The following NT5DC1 variants were observed in gnomAD, a reference collection of about 807,000 sequenced individuals.
NT5DC1 encodes 5'-nucleotidase domain-containing protein 1.
Under a neutral mutation model 59.4 loss-of-function variants are expected in NT5DC1, and 42 were observed. The ratio of observed to expected loss-of-function variants is 0.71; its 90% CI spans 0.55 to 0.92. The LOEUF is 0.92. Among genes scored for constraint, NT5DC1 ranks in the 40% least tolerant of loss-of-function variants. The pLI is 0.00. For missense variants in NT5DC1, 501 were observed against 537.1 expected, an observed-to-expected ratio of 0.93 and a Z score of 0.66; for synonymous variants, 172 against 188.1, an observed-to-expected ratio of 0.91 and a Z score of 0.70.
intron 8 of NT5DC1, among the ~76,000 whole-genome samples, chr6:116,224,527 G>A (rs1582882070): frequency 6.6e-6 from 1 of 152,226 alleles, no homozygotes; most frequent in Non-Finnish European, 1.5e-5. Flanking sequence ...GGGAAGCTCT[G>A]TCCAAAAAGG....
intron 6 of NT5DC1, among the ~76,000 whole-genome samples, chr6:116,186,253 G>T (rs1372627021): frequency 1.3e-5 from 2 of 151,776 alleles, no homozygotes; most frequent in Non-Finnish European, 2.9e-5. Flanking sequence ...TAATCTGATA[G>T]GTTTTCCTTT....
chr6:116,219,961 CAA>C (rs1170500016), intron 6 of NT5DC1, among the ~76,000 whole-genome samples: 689 of 36,180 alleles, frequency 0.019, no homozygotes, highest in African/African-American at 0.084. Flanking sequence ...GACTCTGTCT[CAA>C]AAAAAAAAAA....
In NT5DC1 at chr6:116,245,717, T is replaced by G. The variant is rs1771834548; in HGVS notation, c.*1693T>G. 1.3e-5 allele frequency: 2 copies of G among 152,132 alleles called. No individual in the cohort carries two copies. Among genetic ancestry groups the G allele is most frequent in the African/African-American group, 4.8e-5 (2 of 41,432 alleles). 9.4% of individuals were successfully genotyped at this position (152,132 alleles called of 1,614,324 possible). On this transcript the variant is annotated 3_prime_UTR_variant, in exon 12 of 12. Coordinates refer to ENST00000319550, the MANE Select transcript of NT5DC1 (RefSeq NM_152729.3). ...CCATGTTTACTCTGTAAATGGCAAA[T>G]AATACATCTTTAAATGCTTATGAAC...
chr6:116,165,293 A>G (rs9488858), intron 6 of NT5DC1, among the ~76,000 whole-genome samples: 4,740 of 152,158 alleles, frequency 0.031, 235 homozygotes, highest in African/African-American at 0.1. Context: ...GACCTTGGAT[A>G]GTCTGATAAC....
intron 8 of NT5DC1, among the ~76,000 whole-genome samples, chr6:116,233,565 A>G (rs1442118293): frequency 2.6e-5 from 4 of 152,210 alleles, no homozygotes; most frequent in Non-Finnish European, 4.4e-5. Flanking sequence ...ATTCAGGTCC[A>G]GGAATCCAAA....
Position 116,224,221 on chromosome 6 carries a change from T to C in NT5DC1, c.802+1090T>C, listed in dbSNP as rs557880931. Among the ~76,000 whole-genome samples, 10 of 152,348 alleles carry C rather than the reference T, an allele frequency of 6.6e-5. No individual in the cohort carries two copies. In the East Asian group the frequency reaches 1.7e-3, roughly 26 times the overall value. ...ATGGATTTAATACATTTATTTAATA[T>C]GGTAATACAGTATTATTTACTTTGA... On this transcript the variant is annotated intron_variant, in intron 8 of 11. Coordinates refer to ENST00000319550, the MANE Select transcript of NT5DC1 (RefSeq NM_152729.3).
At position 116,141,170 on chromosome 6, in the gene NT5DC1, A is replaced by T. The variant is rs527508993; in HGVS notation, c.529+23225A>T. Among the ~76,000 whole-genome samples, 3 of 152,182 alleles carry T rather than the reference A, an allele frequency of 2.0e-5. No homozygotes were observed. The South Asian group carries it at 6.2e-4, about 32-fold the overall frequency. ...TTGTATTTGTATGATACTGATTCGAATGATGGTGAGCATTATTTTTATATG... is the reference window on the plus strand; with the variant it reads ...TTGTATTTGTATGATACTGATTCGATTGATGGTGAGCATTATTTTTATATG... On this transcript the variant is annotated intron_variant, in intron 6 of 11. Coordinates refer to ENST00000319550, the MANE Select transcript of NT5DC1 (RefSeq NM_152729.3).
chr6:116,242,453 G>A (rs1243037770), intron 11 of NT5DC1, among the ~76,000 whole-genome samples: 7 of 151,036 alleles, frequency 4.6e-5, no homozygotes, highest in African/African-American at 1.5e-4. Context: ...ATCAAAAGAC[G>A]GACGAAATAA....
At chr6:116,153,886 A>C (rs1299320950) in intron 6 of NT5DC1, among the ~76,000 whole-genome samples, 1 of 152,200 alleles carries the variant, frequency 6.6e-6, no homozygotes, top group Non-Finnish European at 1.5e-5. Flanking sequence ...CAAAATAAGC[A>C]TCAAAAGGAA....
chr6:116,149,491 G>A (rs1027449380), intron 6 of NT5DC1, among the ~76,000 whole-genome samples: 1 of 152,144 alleles, frequency 6.6e-6, no homozygotes, highest in Non-Finnish European at 1.5e-5. Context: ...ACTTTAGTAG[G>A]ATAAGTAACT....
chr6:116,206,952 TTGAG>T (rs1395022319), intron 6 of NT5DC1, among the ~76,000 whole-genome samples: 1 of 152,004 alleles, frequency 6.6e-6, no homozygotes, highest in Non-Finnish European at 1.5e-5. Flanking sequence ...TTCTTGTTTA[TTGAG>T]TAATTCTAGA....
chr6:116,185,343 T>G (rs1780972807), intron 6 of NT5DC1, among the ~76,000 whole-genome samples: 1 of 152,114 alleles, frequency 6.6e-6, no homozygotes, highest in Non-Finnish European at 1.5e-5. Context: ...TCTGCAGTTG[T>G]TGGGTAGAAA....
At chr6:116,123,517 C>T (rs1779200562) in intron 6 of NT5DC1, among the ~76,000 whole-genome samples, 1 of 152,214 alleles carries the variant, frequency 6.6e-6, no homozygotes, top group South Asian at 2.1e-4. Context: ...TGCATCTGCC[C>T]ACCAGCTGTG....
chr6:116,216,555 T>G (rs1324476653), intron 6 of NT5DC1, among the ~76,000 whole-genome samples: 2 of 151,956 alleles, frequency 1.3e-5, no homozygotes, highest in Non-Finnish European at 2.9e-5. Context: ...TGTACTTCAT[T>G]TCCCAGCTTT....
intron 6 of NT5DC1, among the ~76,000 whole-genome samples, chr6:116,218,705 A>G (rs1781735327): frequency 6.6e-6 from 1 of 152,192 alleles, no homozygotes; most frequent in Non-Finnish European, 1.5e-5. Context: ...AGAGATTCAC[A>G]CACAGAAGTT....
At chr6:116,182,129 TG>T (rs1305535049) in intron 6 of NT5DC1, among the ~76,000 whole-genome samples, 1 of 152,098 alleles carries the variant, frequency 6.6e-6, no homozygotes, top group East Asian at 1.9e-4. Flanking sequence ...TTTCCATTCC[TG>T]AGTTACTTCA....
chr6:116,205,861 T>TAAA (rs1394832217), intron 6 of NT5DC1, among the ~76,000 whole-genome samples: 1 of 151,988 alleles, frequency 6.6e-6, no homozygotes, highest in African/African-American at 2.4e-5. Context: ...CCTGCTGTTT[T>TAAA]CCTCATTATG....
chr6:116,186,404 T>G (rs1487039935), intron 6 of NT5DC1, among the ~76,000 whole-genome samples: 2 of 151,980 alleles, frequency 1.3e-5, no homozygotes, highest in Middle Eastern at 3.4e-3. Context: ...CAGAGCTGCT[T>G]GTATTTGGAT....
chr6:116,216,275 A>G (rs1337151414), intron 6 of NT5DC1, among the ~76,000 whole-genome samples: 1 of 152,124 alleles, frequency 6.6e-6, no homozygotes, highest in Non-Finnish European at 1.5e-5. Context: ...TTTCCAATGA[A>G]GCAGGCAAAA....
Sources: allele counts gnomAD v4.1 joint callset (sites outside exome capture counted in the v4.1 genomes callset), GRCh38; gene constraint gnomAD v4.1.1; transcripts MANE v1.5; gene names NCBI Gene and HGNC (gene_info 2026-07-23, HGNC 2026-07-21).